LRP1: variants seen among roughly 807,000 people sequenced by gnomAD.
LRP1 encodes prolow-density lipoprotein receptor-related protein 1.
In LRP1, 51 loss-of-function variants were observed where a neutral mutation model predicts 541.5. The observed-to-expected ratio is 0.09, with a 90% CI of 0.08 to 0.12. The LOEUF (loss-of-function observed/expected upper bound fraction) is 0.12, where lower values mean the gene tolerates loss of function less well. LRP1 is among the 10% of genes least tolerant of loss of function. LRP1 has a pLI of 1.00. For synonymous variants in LRP1, 2,219 were observed against 2,470.8 expected, an observed-to-expected ratio of 0.90 and a Z score of 3.02; for missense variants, 3,878 against 6,376.2, an observed-to-expected ratio of 0.61 and a Z score of 13.34.
intron 24 of LRP1, 152 bp from the exon 25 acceptor site, chr12:57,176,889 C>A: frequency 1.6e-6 from 1 of 625,078 alleles, no homozygotes; most frequent in Non-Finnish European, 2.8e-6. Flanking sequence ...GTTGGGGAGA[C>A]AATAGGAGTC....
chr12:57,176,934 C>A, intron 24 of LRP1, 107 bp from the exon 25 acceptor site: 1 of 922,758 alleles, frequency 1.1e-6, no homozygotes, highest in South Asian at 1.4e-5. Flanking sequence ...GAAACTTTGG[C>A]AGAAGTGCCA....
At position 57,210,301 on chromosome 12, in the gene LRP1, CT is replaced by C. The variant is rs981351883; in HGVS notation, c.12581-5del. The C allele has an allele frequency of 6.5e-7, 1 of 1,550,314 alleles. No individual in the cohort carries two copies. Among genetic ancestry groups the C allele is most frequent in the Non-Finnish European group, 8.7e-7 (1 of 1,144,704 alleles). On this transcript the variant is annotated splice_polypyrimidine_tract_variant and splice_region_variant and intron_variant, in intron 81 of 88. Coordinates refer to ENST00000243077, the MANE Select transcript of LRP1 (RefSeq NM_002332.3). ...GGCTCTGCCCCTTGACGGGCCCTTC[CT>C]GCAGCTCCCCGGCCTGGAACCTGTA...
rs779416345 is a variant in LRP1 at position 57,184,197 on chromosome 12, C to T, written c.6042C>T (p.Thr2014=). ...GTCTAGACAAGCCCCGGGCCATCAC[C>T]GTCCACCCGGAGAAAGGGTGAGGAG... ...SQGLDKPRAI[T]VHPEKGYLFW... Residue 2014 remains threonine, a synonymous_variant, in exon 37 of 89, where the codon ACC becomes ACT. Transcript: ENST00000243077. The surrounding 1 kb of genome is among the most constrained non-coding windows in gnomAD (Gnocchi z 7.8). The T allele has an allele frequency of 1.3e-5, 21 of 1,613,848 alleles. No individual in the cohort carries two copies. The South Asian group carries it at 1.6e-4, about 13-fold the overall frequency.
Position 57,133,617 on chromosome 12 carries a change from G to T in LRP1, c.67+4586G>T, listed in dbSNP as rs892914007. Among the ~76,000 whole-genome samples the T allele has an allele frequency of 3.5e-5, 3 of 86,528 alleles. No individual in the cohort carries two copies. In the South Asian group the frequency reaches 1.1e-3, roughly 32 times the overall value. 56.8% of individuals were successfully genotyped at this position (86,528 alleles called of 152,430 possible). A position where few individuals can be genotyped will look rare whatever the true frequency, so the allele number is the denominator to read the frequency against. On this transcript the variant is annotated intron_variant, in intron 1 of 88. Transcript: ENST00000243077. ...TCAGATTCCTGCAGGCTCTGTCCCC[G>T]CGCCGCCCCCCCACCCCACCCCCCG...
Position 57,162,624 on chromosome 12 carries a change from G to A in LRP1, c.2404+106G>A. ...GTGAAGGCACTTCCCAGGGATCCTA[G>A]GCTCTGACTTTTGAGGATCCTGAGA... On this transcript the variant is annotated intron_variant, in intron 14 of 88. Transcript: ENST00000243077. The surrounding 1 kb of genome is among the most constrained non-coding windows in gnomAD (Gnocchi z 5.2). 1 of 1,339,286 alleles carries A rather than the reference G, an allele frequency of 7.5e-7. No homozygotes were observed. The highest frequency in any genetic ancestry group is 1.0e-6 in the Non-Finnish European group (1 of 963,374). The allele number at this position is 1,339,286 out of a possible 1,614,324, so 83.0% of individuals were successfully genotyped here. A position where few individuals can be genotyped will look rare whatever the true frequency, so the allele number is the denominator to read the frequency against.
At chr12:57,210,672 G>A (rs1484773362) in intron 82 of LRP1, 46 bp from the exon 83 acceptor site, 1 of 1,578,884 alleles carries the variant, frequency 6.3e-7, no homozygotes, top group Non-Finnish European at 8.7e-7. Flanking sequence ...ATAGGGCCAG[G>A]TGGTCTCGAG....
In LRP1 at chr12:57,180,654, C is replaced by G. The variant is rs372974582; in HGVS notation, c.5387-13C>G. The G allele has an allele frequency of 2.7e-5, 44 of 1,613,802 alleles. No individual in the cohort carries two copies. Among genetic ancestry groups the G allele is most frequent in the Non-Finnish European group, 3.6e-5 (42 of 1,179,836 alleles). On this transcript the variant is annotated splice_polypyrimidine_tract_variant and intron_variant, in intron 32 of 88. Coordinates refer to ENST00000243077, the MANE Select transcript of LRP1 (RefSeq NM_002332.3). ...GGCCTTCCCAAGGGTCTCATCCCCT[C>G]CTGCTGCCCCAGGGGACAAGCTGTG...
Position 57,173,093 on chromosome 12 carries a change from TG to T in LRP1, c.3164-73del. On this transcript the variant is annotated intron_variant, in intron 20 of 88. Transcript: ENST00000243077. The surrounding 1 kb of genome is among the most constrained non-coding windows in gnomAD (Gnocchi z 4.7). The stretch of plus-strand genomic sequence containing the variant: ...TATCCCCAGGCTGGGCTTACCGGGG[TG>T]GCAGGGCACAGGGATGAGGAGGGCT... 1.6e-6 allele frequency: 2 copies of T among 1,282,790 alleles called. No individual in the cohort carries two copies. The highest frequency in any genetic ancestry group is 4.7e-5 in the East Asian group (2 of 42,260). 79.5% of individuals were successfully genotyped at this position (1,282,790 alleles called of 1,614,324 possible).
chr12:57,161,172 G>A (rs1367742461), intron 13 of LRP1, 57 bp downstream of exon 13: 1 of 1,551,994 alleles, frequency 6.4e-7, no homozygotes, highest in African/African-American at 1.4e-5. Context: ...ACCATGCTTG[G>A]GCGTGGATGA....
rs534793260 is a variant in LRP1 at position 57,193,009 on chromosome 12, A to G, written c.7555+39A>G. 4.4e-6 allele frequency: 7 copies of G among 1,605,150 alleles called. No homozygotes were observed. In the East Asian group the frequency reaches 1.3e-4, roughly 31 times the overall value. The stretch of plus-strand genomic sequence containing the variant: ...GGGGGAGGGGCTGGCGGGGAACCCA[A>G]GCACACACCAGGGATGGTGACCATC... On this transcript the variant is annotated intron_variant, in intron 45 of 88. Coordinates refer to ENST00000243077, the MANE Select transcript of LRP1 (RefSeq NM_002332.3).
chr12:57,180,543 A>G lies in LRP1; in HGVS notation c.5386+64A>G, dbSNP rs758933951. On this transcript the variant is annotated intron_variant, in intron 32 of 88. Transcript: ENST00000243077. ...GGCCAGGCCAGACCTACTGGGAGAC[A>G]GGGGCTGGCTTGGGGCAGTCTCTCA... 8 of 1,607,702 alleles carry G rather than the reference A, an allele frequency of 5.0e-6. No individual in the cohort carries two copies. The Admixed American group carries it at 1.0e-4, about 20-fold the overall frequency.
Position 57,128,881 on chromosome 12 carries a change from G to A in LRP1, c.-84G>A. On this transcript the variant is annotated 5_prime_UTR_variant, in exon 1 of 89. Transcript: ENST00000243077. ...AAGGAGGAGGGGGAAAGGAGGAAAA[G>A]GGGGACCCCCCAACTGGGGGGGGTG... 1.6e-6 allele frequency: 2 copies of A among 1,259,292 alleles called. No homozygotes were observed. The highest frequency in any genetic ancestry group is 2.2e-6 in the Non-Finnish European group (2 of 904,676). The allele number at this position is 1,259,292 out of a possible 1,614,324, so 78.0% of individuals were successfully genotyped here.
intron 15 of LRP1, among the ~76,000 whole-genome samples, chr12:57,163,198 G>A (rs1410641923): frequency 6.6e-6 from 1 of 152,178 alleles, no homozygotes; most frequent in Non-Finnish European, 1.5e-5. Context: ...GACTTGTGAG[G>A]GGATGGCAAT....
At chr12:57,149,105 T>C in intron 6 of LRP1, 1 of 514,270 alleles carries the variant, frequency 1.9e-6, no homozygotes, top group South Asian at 3.0e-5. Context: ...GAAGGGGTGC[T>C]ACCTCCCCAC....
Position 57,191,447 on chromosome 12 carries a change from T to C in LRP1, c.7364T>C (p.Leu2455Pro). The C allele has an allele frequency of 6.2e-7, 1 of 1,612,492 alleles. No individual in the cohort carries two copies. The highest frequency in any genetic ancestry group is 1.1e-5 in the South Asian group (1 of 91,036). ...ANKHVGSNMK[L>P]LRVDIPQQPM... is the part of the protein sequence containing the mutation. ...AAGCACGTGGGCAGCAACATGAAGC[T>C]GCTGCGCGTGGACATCCCCCAGCAG... The change falls in exon 44 of 89, where the codon CTG (leucine) becomes CCG (proline). Residue 2455 changes from leucine (L) to proline (P), a missense_variant. Transcript: ENST00000243077.
intron 6 of LRP1, chr12:57,149,002 A>G: frequency 1.5e-6 from 1 of 672,260 alleles, no homozygotes; most frequent in South Asian, 1.7e-5. Flanking sequence ...TCGAAATCAC[A>G]ACAGGAAATG....
At chr12:57,134,092 G>T (rs947707458) in intron 1 of LRP1, among the ~76,000 whole-genome samples, 2 of 152,200 alleles carry the variant, frequency 1.3e-5, no homozygotes, top group African/African-American at 4.8e-5. Flanking sequence ...GCTCCAGCTT[G>T]GTGGCCCTGG....
In LRP1 at chr12:57,206,710, G is replaced by A. The variant is rs567074483; in HGVS notation, c.11828G>A (p.Arg3943Gln). The change falls in exon 76 of 89, where the codon CGA becomes CAA. Residue 3943 changes from arginine (R) to glutamine (Q), a missense_variant. Around this residue, in one of 13 missense-constraint regions of LRP1, gnomAD observed 871 missense variants for 1,212.4 expected, o/e 0.72. Coordinates refer to ENST00000243077, the MANE Select transcript of LRP1 (RefSeq NM_002332.3). This position sits in a 1 kb window ranked among gnomAD's most constrained non-coding sequence, Gnocchi z 4.7. ...CCTACCACTTCCAACCGCCACCGGCGACAGATTGACCGGGGTGTCACCCAC... is the reference window on the plus strand; with the variant it reads ...CCTACCACTTCCAACCGCCACCGGCAACAGATTGACCGGGGTGTCACCCAC... ...APPTTSNRHR[R>Q]QIDRGVTHLN... 1.9e-6 allele frequency: 3 copies of A among 1,613,104 alleles called. No individual in the cohort carries two copies. The highest frequency in any genetic ancestry group is 1.3e-5 in the African/African-American group (1 of 75,058).
At chr12:57,152,715 G>T (rs564115622) in intron 6 of LRP1, among the ~76,000 whole-genome samples, 2 of 152,276 alleles carry the variant, frequency 1.3e-5, no homozygotes, top group Admixed American at 6.5e-5. Context: ...ACTTACGGGG[G>T]TAATACCTCG....
Sources: allele counts gnomAD v4.1 joint callset (sites outside exome capture counted in the v4.1 genomes callset), GRCh38; gene constraint gnomAD v4.1.1; regional missense constraint gnomAD v4.1.1; non-coding constraint Gnocchi (gnomAD v3.1); transcripts MANE v1.5; gene names NCBI Gene and HGNC (gene_info 2026-07-23, HGNC 2026-07-21).